SLC35F1: variants seen among roughly 807,000 people sequenced by gnomAD.
SLC35F1 encodes chromosome 6 open reading frame 169.
SLC35F1 carries 14 observed loss-of-function variants against 48.7 expected under a neutral mutation model. That is an observed-to-expected ratio of 0.29 (90% CI 0.19 to 0.45). SLC35F1 has a LOEUF of 0.45. SLC35F1 is among the 20% of genes least tolerant of loss of function. The probability of loss-of-function intolerance (pLI) is 1.00; values close to 1 mark genes in which losing one functional copy is unlikely to be tolerated. For missense variants in SLC35F1, 404 were observed against 500.0 expected (o/e 0.81, Z 1.83); for synonymous variants, 190 against 202.2 (o/e 0.94, Z 0.51).
intron 1 of SLC35F1, among the ~76,000 whole-genome samples, chr6:117,952,020 A>T (rs542473250): frequency 6.6e-6 from 1 of 152,258 alleles, no homozygotes; most frequent in African/African-American, 2.4e-5. Context: ...AGCCTGCCTC[A>T]TGCTGTGTCC....
At chr6:117,937,034 A>G (rs1776170836) in intron 1 of SLC35F1, among the ~76,000 whole-genome samples, 1 of 152,174 alleles carries the variant, frequency 6.6e-6, no homozygotes, top group African/African-American at 2.4e-5. Flanking sequence ...CAGACACTTT[A>G]TGGTTCATTA....
At chr6:117,997,135 C>T (rs1248325005) in intron 1 of SLC35F1, among the ~76,000 whole-genome samples, 1 of 151,976 alleles carries the variant, frequency 6.6e-6, no homozygotes, top group Non-Finnish European at 1.5e-5. Context: ...ATGCAGAAGC[C>T]TCAGCAGCTG....
chr6:117,923,800 T>C (rs1028982332), intron 1 of SLC35F1, among the ~76,000 whole-genome samples: 1 of 139,472 alleles, frequency 7.2e-6, no homozygotes, highest in Admixed American at 7.5e-5. Context: ...TGTACATATA[T>C]ACATATACAC....
At chr6:118,106,551 G>A (rs951201015) in intron 1 of SLC35F1, among the ~76,000 whole-genome samples, 1 of 152,106 alleles carries the variant, frequency 6.6e-6, no homozygotes, top group Admixed American at 6.5e-5. Context: ...GCTCTCTCAC[G>A]TGTACTACAA....
chr6:117,962,658 A>G (rs2081862044), intron 1 of SLC35F1, among the ~76,000 whole-genome samples: 1 of 152,172 alleles, frequency 6.6e-6, no homozygotes, highest in South Asian at 2.1e-4. Flanking sequence ...TCCTACTGAT[A>G]GACACTGGAC....
chr6:118,179,181 A>G (rs1007063824), intron 2 of SLC35F1, among the ~76,000 whole-genome samples: 1 of 151,986 alleles, frequency 6.6e-6, no homozygotes, highest in Admixed American at 6.6e-5. Flanking sequence ...CCAATAAGAG[A>G]CCATATATAT....
At chr6:118,233,285 C>T (rs952427912) in intron 2 of SLC35F1, among the ~76,000 whole-genome samples, 1 of 152,142 alleles carries the variant, frequency 6.6e-6, no homozygotes, top group African/African-American at 2.4e-5. Context: ...AAAAGCTCTC[C>T]AGATGATGTG....
At chr6:118,307,837 G>A (rs898898909) in intron 7 of SLC35F1, among the ~76,000 whole-genome samples, 1 of 152,144 alleles carries the variant, frequency 6.6e-6, no homozygotes, top group African/African-American at 2.4e-5. Flanking sequence ...CTTACAGCAC[G>A]CTCAGCACTA....
chr6:118,191,117 G>T (rs918293347), intron 2 of SLC35F1, among the ~76,000 whole-genome samples: 2 of 152,114 alleles, frequency 1.3e-5, no homozygotes, highest in African/African-American at 2.4e-5. Flanking sequence ...AAGGCCTCCT[G>T]GAAGTGTTCT....
chr6:118,128,537 T>G (rs866170927), intron 1 of SLC35F1, among the ~76,000 whole-genome samples: 1 of 144,734 alleles, frequency 6.9e-6, no homozygotes, highest in Non-Finnish European at 1.5e-5. Context: ...TGGAAATCAT[T>G]ATTCTCAGTA....
chr6:118,012,579 G>A (rs1777264632), intron 1 of SLC35F1, among the ~76,000 whole-genome samples: 1 of 152,124 alleles, frequency 6.6e-6, no homozygotes, highest in African/African-American at 2.4e-5. Context: ...AACTTGCTAA[G>A]TGTCTCCTGG....
chr6:117,999,451 A>T, intron 1 of SLC35F1: 1 of 1,576,586 alleles, frequency 6.3e-7, no homozygotes, highest in Non-Finnish European at 8.6e-7. Flanking sequence ...CAGAGTAGAT[A>T]TCTCTGCCAA....
intron 1 of SLC35F1, among the ~76,000 whole-genome samples, chr6:118,100,224 T>C (rs1183991067): frequency 6.6e-6 from 1 of 152,162 alleles, no homozygotes; most frequent in Non-Finnish European, 1.5e-5. Context: ...CCATACTGCC[T>C]TGTTTTTATC....
chr6:117,946,532 T>A (rs1776297447), intron 1 of SLC35F1, among the ~76,000 whole-genome samples: 1 of 152,190 alleles, frequency 6.6e-6, no homozygotes, highest in Admixed American at 6.5e-5. Flanking sequence ...ACTTTCCAAT[T>A]TTAAGCTGTC....
chr6:118,139,493 A>C (rs1220680303), intron 1 of SLC35F1, among the ~76,000 whole-genome samples: 1 of 152,176 alleles, frequency 6.6e-6, no homozygotes, highest in African/African-American at 2.4e-5. Context: ...AGACATGCAG[A>C]ACTGGGATAC....
intron 7 of SLC35F1, among the ~76,000 whole-genome samples, chr6:118,295,727 A>G (rs1406413191): frequency 1.3e-5 from 2 of 152,196 alleles, no homozygotes; most frequent in Non-Finnish European, 2.9e-5. Flanking sequence ...TTAAAAGGCT[A>G]TGGATGTTAA....
chr6:118,229,539 G>A (rs1293694859), intron 2 of SLC35F1, among the ~76,000 whole-genome samples: 1 of 152,176 alleles, frequency 6.6e-6, no homozygotes, highest in East Asian at 1.9e-4. Context: ...TGAGGATAAT[G>A]TCATAATTAC....
intron 2 of SLC35F1, among the ~76,000 whole-genome samples, chr6:118,204,000 C>T (rs775352953): frequency 3.3e-5 from 5 of 150,570 alleles, no homozygotes; most frequent in African/African-American, 7.4e-5. Context: ...TAATAAATGC[C>T]GTAAAGGAAA....
chr6:117,986,012 G>T (rs1357968838), intron 1 of SLC35F1, among the ~76,000 whole-genome samples: 1 of 152,214 alleles, frequency 6.6e-6, no homozygotes, highest in African/African-American at 2.4e-5. Context: ...TTGGAAGCTA[G>T]GCAGCTATGT....
Sources: gnomAD v4.1 joint callset for allele counts (sites outside exome capture counted in the v4.1 genomes callset) on GRCh38, gnomAD v4.1.1 for gene constraint, MANE v1.5 for transcripts, NCBI Gene and HGNC (gene_info 2026-07-23, HGNC 2026-07-21) for gene names.